C2orf49: variants seen among roughly 807,000 people sequenced by gnomAD.
The protein encoded by C2orf49 is tRNA splicing ligase complex subunit 2, also known as tRNA-splicing ligase complex subunit ASW.
A neutral mutation model predicts 20.6 loss-of-function variants in C2orf49; 11 were observed. The ratio of observed to expected loss-of-function variants is 0.53; its 90% CI spans 0.34 to 0.88. C2orf49 has a LOEUF of 0.88. C2orf49 is among the 40% of genes least tolerant of loss of function. The pLI, the probability that C2orf49 is intolerant of heterozygous loss-of-function variation, is 0.02. For missense variants in C2orf49, 289 were observed against 274.2 expected (o/e 1.05, Z -0.38); for synonymous variants, 134 against 108.5 (o/e 1.24, Z -1.46).
chr2:105,354,877 T>C, the C2orf49 span, among the ~76,000 whole-genome samples: 1 of 152,096 alleles, frequency 6.6e-6, no homozygotes, highest in African/African-American at 2.4e-5. Context: ...AGGTTTTTCA[T>C]TTGCTAAACA....
At chr2:105,367,859 T>A in the C2orf49 span, 1 of 958,436 alleles carries the variant, frequency 1.0e-6, no homozygotes, top group South Asian at 1.7e-5. Flanking sequence ...CCACTTCAGC[T>A]CTTGAAGGCT....
the C2orf49 span, among the ~76,000 whole-genome samples, chr2:105,372,877 C>T: frequency 6.6e-6 from 1 of 152,164 alleles, no homozygotes; most frequent in Non-Finnish European, 1.5e-5. Context: ...TTTTGAAATT[C>T]CACATATTTT....
the C2orf49 span, among the ~76,000 whole-genome samples, chr2:105,379,376 T>A: frequency 2.6e-5 from 4 of 152,218 alleles, no homozygotes; most frequent in Non-Finnish European, 4.4e-5. Context: ...AAGACAGTCC[T>A]ATCAATGAGA....
chr2:105,379,711 C>T, the C2orf49 span, among the ~76,000 whole-genome samples: 14 of 152,182 alleles, frequency 9.2e-5, no homozygotes, highest in African/African-American at 3.4e-4. Flanking sequence ...CTGCTCTGGT[C>T]CCCTCTTCCT....
At chr2:105,378,069 T>G in the C2orf49 span, 224 of 471,212 alleles carry the variant, frequency 4.8e-4, no homozygotes, top group Admixed American at 2.3e-3. Flanking sequence ...CCACAGCCAG[T>G]GCTCCGGTCA....
At chr2:105,371,679 G>A in the C2orf49 span, among the ~76,000 whole-genome samples, 2 of 152,182 alleles carry the variant, frequency 1.3e-5, no homozygotes. Flanking sequence ...TTCAAAATCC[G>A]GGAAATATGC....
At chr2:105,359,657 T>C in the C2orf49 span, 1 of 152,244 alleles carries the variant, frequency 6.6e-6, no homozygotes, top group Non-Finnish European at 1.5e-5. Flanking sequence ...TCTGAGATTA[T>C]TCCACAGACT....
the C2orf49 span, among the ~76,000 whole-genome samples, chr2:105,356,590 G>A: frequency 2.0e-5 from 3 of 152,060 alleles, no homozygotes; most frequent in African/African-American, 7.2e-5. Flanking sequence ...AATAAAATAG[G>A]AAAGAAAACA....
At chr2:105,361,302 T>C in the C2orf49 span, 40 of 1,613,486 alleles carry the variant, frequency 2.5e-5, no homozygotes, top group Non-Finnish European at 3.2e-5. Flanking sequence ...TTTCCCACAG[T>C]CGGGGCACAG....
chr2:105,365,638 C>T, the C2orf49 span, among the ~76,000 whole-genome samples: 1 of 149,052 alleles, frequency 6.7e-6, no homozygotes, highest in South Asian at 2.1e-4. Flanking sequence ...AGTTTGTGAC[C>T]AGTCTGGCCA....
At chr2:105,355,086 T>C in the C2orf49 span, among the ~76,000 whole-genome samples, 1 of 152,250 alleles carries the variant, frequency 6.6e-6, no homozygotes, top group Non-Finnish European at 1.5e-5. Flanking sequence ...AAGTCAAATC[T>C]CTGAGTGTTC....
At chr2:105,353,558 G>A (rs1225438181), downstream of C2orf49, among the ~76,000 whole-genome samples, 1 of 152,158 alleles carries the variant, frequency 6.6e-6, no homozygotes, top group Non-Finnish European at 1.5e-5. Flanking sequence ...TGTTTTAGGG[G>A]ACGGTGGGCT....
the C2orf49 span, among the ~76,000 whole-genome samples, chr2:105,368,999 G>A: frequency 1.3e-5 from 2 of 152,176 alleles, no homozygotes; most frequent in East Asian, 1.9e-4. Flanking sequence ...TAAGCTAGAC[G>A]GCCGAGTAGT....
the C2orf49 span, among the ~76,000 whole-genome samples, chr2:105,374,934 G>C: frequency 8.8e-4 from 134 of 152,204 alleles, no homozygotes; most frequent in Non-Finnish European, 1.6e-3. Flanking sequence ...ATCCTGAACA[G>C]GGCACAGGAG....
the C2orf49 span, among the ~76,000 whole-genome samples, chr2:105,366,590 C>T: frequency 6.6e-6 from 1 of 152,200 alleles, no homozygotes; most frequent in East Asian, 1.9e-4. Flanking sequence ...AGTCAGAGGG[C>T]ACAGCAGAAA....
intron 2 of C2orf49, 109 bp downstream of exon 2, chr2:105,339,858 G>T (rs1311028943): frequency 5.2e-6 from 5 of 964,008 alleles, no homozygotes; most frequent in South Asian, 2.0e-5. Flanking sequence ...TTTACTCAAT[G>T]ACTATCTATT....
chr2:105,373,864 C>T, the C2orf49 span: 2 of 751,454 alleles, frequency 2.7e-6, no homozygotes, highest in South Asian at 1.7e-5. Context: ...GGCGCACCCA[C>T]ATTCATGCCC....
the C2orf49 span, chr2:105,363,509 G>T: frequency 1.9e-6 from 3 of 1,547,768 alleles, no homozygotes; most frequent in Non-Finnish European, 1.8e-6. Flanking sequence ...TGGCCTCTGT[G>T]CTTGGCAGAC....
chr2:105,376,711 A>G, the C2orf49 span: 10 of 152,370 alleles, frequency 6.6e-5, no homozygotes, highest in Middle Eastern at 6.8e-3. Context: ...ATATTTGTAC[A>G]TCCACGTTCA....
Sources: allele counts gnomAD v4.1 joint callset (sites outside exome capture counted in the v4.1 genomes callset), GRCh38; gene constraint gnomAD v4.1.1; transcripts MANE v1.5; gene names NCBI Gene and HGNC (gene_info 2026-07-23, HGNC 2026-07-21).